The following FAT3 variants were observed in gnomAD, a reference collection of about 807,000 sequenced individuals.
The protein encoded by FAT3 is FAT atypical cadherin 3.
FAT3 carries 95 observed loss-of-function variants against 310.2 expected under a neutral mutation model. That is an observed-to-expected ratio of 0.31 (90% CI 0.26 to 0.36). The LOEUF is 0.36. Ranked by LOEUF, FAT3 falls within the 10% of genes least tolerant of loss-of-function variation. FAT3 has a pLI of 1.00. For missense variants in FAT3, 5,408 were observed against 5,715.6 expected (o/e 0.95, Z 1.74); for synonymous variants, 2,314 against 2,192.9 (o/e 1.06, Z -1.54).
chr11:92,377,949 T>C lies in FAT3; in HGVS notation c.3292+22545T>C, dbSNP rs191703047. Among the ~76,000 whole-genome samples, 45 of 152,320 alleles carry C rather than the reference T, an allele frequency of 3.0e-4. No homozygotes were observed. The East Asian group carries it at 7.1e-3, about 24-fold the overall frequency. ...TTCCAGTATCTTTGTTCTTTTGTGG[T>C]TCAAAGCTTTGAATAATGTATGTTT... On this transcript the variant is annotated intron_variant, in intron 2 of 27. Coordinates refer to ENST00000525166, the MANE Select transcript of FAT3 (RefSeq NM_001367949.2).
Position 92,697,456 on chromosome 11 carries a change from A to G in FAT3, c.3669+11A>G, listed in dbSNP as rs368219689. 8.0e-5 allele frequency: 129 copies of G among 1,613,538 alleles called. No homozygotes were observed. The highest frequency in any genetic ancestry group is 1.0e-4 in the Non-Finnish European group (121 of 1,179,636). ...GAACATTTTCTGGAGGTAAGCGCAT[A>G]GAGGGAACTGAAATTCATTAAAACT... On this transcript the variant is annotated intron_variant, in intron 4 of 27. Transcript: ENST00000525166.
At position 92,362,183 on chromosome 11, in the gene FAT3, C is replaced by T. The variant is rs1464271063; in HGVS notation, c.3292+6779C>T. 2.0e-5 allele frequency among the ~76,000 whole-genome samples: 3 copies of T among 152,258 alleles called. No individual in the cohort carries two copies. In the East Asian group the frequency reaches 5.8e-4, roughly 29 times the overall value. The stretch of plus-strand genomic sequence containing the variant: ...ATCTGAGCACAGAATGCTCTTTATT[C>T]CAAATGTTTTGATAGACCTAGCAGA... On this transcript the variant is annotated intron_variant, in intron 2 of 27. Transcript: ENST00000525166.
intron 13 of FAT3, among the ~76,000 whole-genome samples, chr11:92,830,971 G>A (rs74967280): frequency 1.4e-4 from 21 of 152,236 alleles, no homozygotes; most frequent in Admixed American, 9.2e-4. Flanking sequence ...TGTTCAGGCC[G>A]CCAAGATCAC....
chr11:92,256,022 C>T (rs1393087751), intron 1 of FAT3, among the ~76,000 whole-genome samples: 1 of 152,116 alleles, frequency 6.6e-6, no homozygotes, highest in Admixed American at 6.6e-5. Flanking sequence ...ATATCCTTAG[C>T]TTTTTGTGAA....
intron 4 of FAT3, among the ~76,000 whole-genome samples, chr11:92,704,656 G>T (rs1169687595): frequency 6.6e-6 from 1 of 152,160 alleles, no homozygotes; most frequent in Non-Finnish European, 1.5e-5. Context: ...ACAGCTGTCT[G>T]TACAAGCCAA....
intron 2 of FAT3, among the ~76,000 whole-genome samples, chr11:92,451,085 A>G (rs148529580): frequency 6.6e-6 from 1 of 152,252 alleles, no homozygotes; most frequent in Non-Finnish European, 1.5e-5. Flanking sequence ...ATAGATGAGC[A>G]GAAAGGTTTA....
At chr11:92,396,406 C>A (rs932403274) in intron 2 of FAT3, among the ~76,000 whole-genome samples, 1 of 152,214 alleles carries the variant, frequency 6.6e-6, no homozygotes, top group Admixed American at 6.5e-5. Flanking sequence ...GCCAGAGGGG[C>A]AGAATTTACA....
intron 2 of FAT3, among the ~76,000 whole-genome samples, chr11:92,521,305 T>TA (rs1162954694): frequency 6.6e-6 from 1 of 152,154 alleles, no homozygotes; most frequent in African/African-American, 2.4e-5. Flanking sequence ...AAAGGCCAGA[T>TA]ACTTTCACAC....
At chr11:92,253,148 C>T (rs1417352408) in intron 1 of FAT3, among the ~76,000 whole-genome samples, 1 of 152,018 alleles carries the variant, frequency 6.6e-6, no homozygotes, top group Non-Finnish European at 1.5e-5. Context: ...CCCAGGGTGC[C>T]TTGCAGTATG....
chr11:92,434,492 A>G (rs558850153), intron 2 of FAT3, among the ~76,000 whole-genome samples: 4 of 152,304 alleles, frequency 2.6e-5, no homozygotes, highest in South Asian at 4.2e-4. Context: ...GAGAGGTGTC[A>G]TTACTCTAGA....
intron 3 of FAT3, among the ~76,000 whole-genome samples, chr11:92,538,579 A>G (rs751248261): frequency 1.3e-5 from 2 of 152,150 alleles, no homozygotes; most frequent in Non-Finnish European, 2.9e-5. Flanking sequence ...TGAATAATCA[A>G]TCTGATTAAA....
chr11:92,823,149 G>A (rs1404213868), intron 13 of FAT3, among the ~76,000 whole-genome samples: 2 of 152,152 alleles, frequency 1.3e-5, no homozygotes, highest in Non-Finnish European at 2.9e-5. Flanking sequence ...TGCAGCAGGA[G>A]TTAAGTATTT....
intron 3 of FAT3, among the ~76,000 whole-genome samples, chr11:92,533,441 A>T (rs1252144620): frequency 6.6e-6 from 1 of 152,184 alleles, no homozygotes; most frequent in Non-Finnish European, 1.5e-5. Flanking sequence ...CAATTAAGTT[A>T]GATTCCAATG....
rs1945215176 is a variant in FAT3 at position 92,732,589 on chromosome 11, T to A, written c.3670-29267T>A. 1.3e-5 allele frequency among the ~76,000 whole-genome samples: 2 copies of A among 152,320 alleles called. 1 individual carries two copies. The highest frequency in any genetic ancestry group is 4.1e-4 in the South Asian group (2 of 4,828). On this transcript the variant is annotated intron_variant, in intron 4 of 27. Coordinates refer to ENST00000525166, the MANE Select transcript of FAT3 (RefSeq NM_001367949.2). ...AACATTGCTTCTAGATCAGATGGGT[T>A]TGCCATGAGAATCCTGGTTTCTCCA...
At chr11:92,596,005 G>A (rs1187805068) in intron 3 of FAT3, among the ~76,000 whole-genome samples, 1 of 152,160 alleles carries the variant, frequency 6.6e-6, no homozygotes, top group Non-Finnish European at 1.5e-5. Flanking sequence ...AAGTTTGGAG[G>A]GGATTGGAGT....
intron 3 of FAT3, among the ~76,000 whole-genome samples, chr11:92,652,768 T>C (rs1177204080): frequency 2.6e-5 from 4 of 152,232 alleles, no homozygotes; most frequent in Non-Finnish European, 5.9e-5. Context: ...ATATAGAAGC[T>C]GGGAAGATGC....
intron 4 of FAT3, among the ~76,000 whole-genome samples, chr11:92,706,934 A>C (rs1317810860): frequency 1.3e-5 from 2 of 152,210 alleles, no homozygotes; most frequent in African/African-American, 4.8e-5. Context: ...AAGGAACGGA[A>C]GGGTGCTGTG....
Position 92,761,924 on chromosome 11 carries a change from T to A in FAT3, c.3738T>A (p.Asp1246Glu). ...STIWVVVQVLDENDNKPQFPE... is the reference protein window; with the variant it reads ...STIWVVVQVLEENDNKPQFPE... ...TTTGGGTGGTGGTTCAGGTTCTAGA[T>A]GAAAATGACAACAAGCCCCAGTTCC... is the stretch of plus-strand genomic sequence containing the variant. Residue 1246 changes from aspartate to glutamate, a missense_variant, in exon 5 of 28, where the codon GAT becomes GAA. By Grantham distance (45) the Asp-to-Glu change is conservative. Around this residue, in one of 5 missense-constraint regions of FAT3, gnomAD observed 4,588 missense variants for 4,809.8 expected, o/e 0.95. Transcript: ENST00000525166. 6.2e-7 allele frequency: 1 copy of A among 1,613,914 alleles called. No individual in the cohort carries two copies. The highest frequency in any genetic ancestry group is 8.5e-7 in the Non-Finnish European group (1 of 1,179,860).
At chr11:92,409,320 C>G (rs1168854406) in intron 2 of FAT3, among the ~76,000 whole-genome samples, 2 of 151,928 alleles carry the variant, frequency 1.3e-5, no homozygotes, top group Non-Finnish European at 2.9e-5. Context: ...AACAGCAACA[C>G]TTTTAAAGAG....
Sources: gnomAD v4.1 joint callset for allele counts (sites outside exome capture counted in the v4.1 genomes callset) on GRCh38, gnomAD v4.1.1 for gene constraint, gnomAD v4.1.1 regional missense constraint, MANE v1.5 for transcripts, NCBI Gene and HGNC (gene_info 2026-07-23, HGNC 2026-07-21) for gene names.